The following C14orf39 variants were observed in gnomAD, a reference collection of about 807,000 sequenced individuals.
C14orf39 encodes the protein chromosome 14 open reading frame 39.
A neutral mutation model predicts 85.6 loss-of-function variants in C14orf39; 66 were observed. The observed-to-expected ratio is 0.77, with a 90% CI of 0.63 to 0.95. The LOEUF (loss-of-function observed/expected upper bound fraction) is 0.95, where lower values mean the gene tolerates loss of function less well. C14orf39 is among the 40% of genes least tolerant of loss of function. The probability of loss-of-function intolerance (pLI) is 0.00; values close to 1 mark genes in which losing one functional copy is unlikely to be tolerated. For missense variants in C14orf39, 735 were observed against 663.9 expected (o/e 1.11, Z -1.18); for synonymous variants, 242 against 214.0 (o/e 1.13, Z -1.14).
chr14:60,467,349 G>T (rs368255060), intron 9 of C14orf39, among the ~76,000 whole-genome samples: 1 of 151,750 alleles, frequency 6.6e-6, no homozygotes, highest in Non-Finnish European at 1.5e-5. Flanking sequence ...GCCAAAACTT[G>T]TAACTACAAA....
intron 5 of C14orf39, among the ~76,000 whole-genome samples, chr14:60,474,846 T>A (rs75851589): frequency 0.87 from 132,052 of 152,062 alleles, 57,881 homozygotes; most frequent in Non-Finnish European, 0.92. Context: ...CATCAGGGAT[T>A]TTGGTCTAAA....
chr14:60,450,254 C>G (rs1239611203), intron 16 of C14orf39, among the ~76,000 whole-genome samples: 2 of 152,158 alleles, frequency 1.3e-5, no homozygotes, highest in Non-Finnish European at 2.9e-5. Flanking sequence ...GGCTCTTGGA[C>G]AGCATTTCTG....
chr14:60,441,638 C>A (rs887974457), intron 17 of C14orf39, among the ~76,000 whole-genome samples: 2 of 151,700 alleles, frequency 1.3e-5, no homozygotes, highest in Non-Finnish European at 1.5e-5. Flanking sequence ...CAAAAGCATA[C>A]CTGATATAAA....
chr14:60,457,137 C>A, intron 14 of C14orf39, 42 bp from the exon 15 acceptor site: 1 of 1,329,472 alleles, frequency 7.5e-7, no homozygotes, highest in Admixed American at 2.5e-5. Flanking sequence ...ACAAATGCTG[C>A]TGCATTAATG....
At chr14:60,507,872 T>C (rs1019186601) in intron 1 of C14orf39, among the ~76,000 whole-genome samples, 48 of 152,324 alleles carry the variant, frequency 3.2e-4, no homozygotes, top group African/African-American at 9.6e-4. Flanking sequence ...GTTTTTGTTA[T>C]ACAGCCCCCT....
chr14:60,461,731 C>T, intron 11 of C14orf39, 138 bp from the exon 12 acceptor site: 1 of 520,252 alleles, frequency 1.9e-6, no homozygotes, highest in Non-Finnish European at 3.4e-6. Flanking sequence ...ACATCAACAA[C>T]TACACACATT....
chr14:60,477,736 T>C (rs1423784230), intron 5 of C14orf39, among the ~76,000 whole-genome samples: 5 of 152,218 alleles, frequency 3.3e-5, no homozygotes, highest in Admixed American at 2.6e-4. Flanking sequence ...AGACCATTAA[T>C]TGATGGACTC....
At chr14:60,489,693 C>G (rs562950475), upstream of C14orf39, among the ~76,000 whole-genome samples, 72 of 152,286 alleles carry the variant, frequency 4.7e-4, 1 homozygote, top group Middle Eastern at 0.02. Context: ...TGCCTTTTCT[C>G]TTATGTGTAT....
chr14:60,500,023 C>CTTTTATA (rs1263820717), intron 1 of C14orf39, among the ~76,000 whole-genome samples: 1 of 151,922 alleles, frequency 6.6e-6, no homozygotes, highest in Non-Finnish European at 1.5e-5. Flanking sequence ...ACTAGCACTC[C>CTTTTATA]TTTTTTATTT....
intron 1 of C14orf39, among the ~76,000 whole-genome samples, chr14:60,504,168 T>C (rs1476906587): frequency 6.6e-6 from 1 of 152,250 alleles, no homozygotes; most frequent in East Asian, 1.9e-4. Context: ...ATTGCTGCTT[T>C]GAAGGGTAAG....
At chr14:60,456,744 C>T (rs937246662) in intron 15 of C14orf39, among the ~76,000 whole-genome samples, 173 bp downstream of exon 15, 1 of 151,900 alleles carries the variant, frequency 6.6e-6, no homozygotes, top group Admixed American at 6.6e-5. Flanking sequence ...ATTGTTAAAA[C>T]AGGGTGATGG....
intron 2 of C14orf39, chr14:60,494,177 C>T: frequency 3.4e-6 from 1 of 291,850 alleles, no homozygotes. Context: ...AGACTCTTTC[C>T]ATTCATATCT....
chr14:60,483,651 TA>T, intron 4 of C14orf39, 39 bp downstream of exon 4: 5 of 1,544,214 alleles, frequency 3.2e-6, no homozygotes, highest in Non-Finnish European at 3.5e-6. Context: ...AAACCCTAAA[TA>T]AAAGAATGCA....
chr14:60,477,073 C>G (rs1342995895), intron 5 of C14orf39, among the ~76,000 whole-genome samples: 1 of 152,134 alleles, frequency 6.6e-6, no homozygotes, highest in East Asian at 1.9e-4. Context: ...TCTTTAAACA[C>G]TATCCTTTCA....
Position 60,461,404 on chromosome 14 carries a change from G to A in C14orf39, c.1067C>T (p.Thr356Ile), listed in dbSNP as rs1891522458. 1 of 1,608,278 alleles carries A rather than the reference G, an allele frequency of 6.2e-7. No individual in the cohort carries two copies. The highest frequency in any genetic ancestry group is 1.7e-5 in the Admixed American group (1 of 59,772). ...ATTGGAATTTGATTGTTTCTGTGGG[G>A]TTAACAATCTAAAATGGAATAAATA... is the stretch of plus-strand genomic sequence containing the variant. ...SQKFMQVRLL[T>I]PQKQSNSNQW... Residue 356 changes from threonine (T) to isoleucine (I), a missense_variant, in exon 13 of 18, where the codon ACC becomes ATC. Coordinates refer to ENST00000321731, the MANE Select transcript of C14orf39 (RefSeq NM_174978.3).
chr14:60,456,813 A>C (rs1198602466), intron 15 of C14orf39, 104 bp downstream of exon 15: 2 of 969,402 alleles, frequency 2.1e-6, no homozygotes, highest in Admixed American at 2.7e-5. Context: ...AATACTACAT[A>C]ATAAAAACTT....
Position 60,491,196 on chromosome 14 carries a change from T to A in C14orf39, c.-8-6110A>T, listed in dbSNP as rs556268390. 6.6e-6 allele frequency among the ~76,000 whole-genome samples: 1 copy of A among 152,216 alleles called. No individual in the cohort carries two copies. The highest frequency in any genetic ancestry group is 2.4e-5 in the African/African-American group (1 of 41,530). ...AATAATAGAAATTTATTTCTCACAG[T>A]TTTTGAGGTCAGTAAGTCCAACACT... On this transcript the variant is annotated intron_variant, in intron 2 of 5. Transcript: ENST00000556799. This position sits in a 1 kb window ranked among gnomAD's most constrained non-coding sequence, Gnocchi z 4.5.
rs1306728265 is a variant in C14orf39 at position 60,483,754 on chromosome 14, G to C, written c.170C>G (p.Ala57Gly). The change falls in exon 4 of 18, where the codon GCA becomes GGA. Residue 57 changes from alanine (A) to glycine (G), a missense_variant. Physicochemically the swap from Ala to Gly is moderately conservative, Grantham distance 60. Coordinates refer to ENST00000321731, the MANE Select transcript of C14orf39 (RefSeq NM_174978.3). ...TICRIHETINATDEEIDHYCK... is the reference protein window; with the variant it reads ...TICRIHETINGTDEEIDHYCK... ...GTAATGATCAATTTCCTCATCTGTT[G>C]CATTTATAGTTTCGTGTATCCTACA... 1.9e-6 allele frequency: 3 copies of C among 1,582,844 alleles called. No individual in the cohort carries two copies. The highest frequency in any genetic ancestry group is 2.6e-6 in the Non-Finnish European group (3 of 1,154,402).
intron 8 of C14orf39, among the ~76,000 whole-genome samples, chr14:60,468,858 T>C (rs537610730): frequency 1.1e-4 from 17 of 151,582 alleles, no homozygotes; most frequent in Non-Finnish European, 2.1e-4. Flanking sequence ...TGGCATCTAC[T>C]TTCTTCTGTT....
Sources: gnomAD v4.1 joint callset for allele counts (sites outside exome capture counted in the v4.1 genomes callset) on GRCh38, gnomAD v4.1.1 for gene constraint, Gnocchi (gnomAD v3.1) non-coding constraint, MANE v1.5 for transcripts, NCBI Gene and HGNC (gene_info 2026-07-23, HGNC 2026-07-21) for gene names.